JAG2: variants seen among roughly 807,000 people sequenced by gnomAD.
JAG2 encodes the protein jagged canonical Notch ligand 2.
A neutral mutation model predicts 141.7 loss-of-function variants in JAG2; 46 were observed. The observed-to-expected ratio is 0.32, with a 90% CI of 0.26 to 0.42. The LOEUF is 0.42. JAG2 is among the 10% of genes least tolerant of loss of function. JAG2 has a pLI of 1.00. For missense variants in JAG2, 1,500 were observed against 1,817.5 expected, an observed-to-expected ratio of 0.83 and a Z score of 3.18; for synonymous variants, 862 against 763.5, an observed-to-expected ratio of 1.13 and a Z score of -2.13.
intron 2 of JAG2, among the ~76,000 whole-genome samples, chr14:105,166,387 T>C (rs1255463156): frequency 6.6e-6 from 1 of 152,260 alleles, no homozygotes; most frequent in Non-Finnish European, 1.5e-5. Context: ...CTGCGGGCCC[T>C]GCTCAGACCT....
chr14:105,150,259 C>T (rs1888381856), intron 12 of JAG2, among the ~76,000 whole-genome samples: 1 of 151,958 alleles, frequency 6.6e-6, no homozygotes, highest in Non-Finnish European at 1.5e-5. Flanking sequence ...CATCAGGCAC[C>T]CACCCTACCC....
chr14:105,157,800 C>T, intron 2 of JAG2, 37 bp from the exon 3 acceptor site: 1 of 1,536,806 alleles, frequency 6.5e-7, no homozygotes, highest in South Asian at 1.2e-5. Flanking sequence ...TACCTGAGGC[C>T]ACACCTGCCT....
At chr14:105,161,286 G>A (rs934971181) in intron 2 of JAG2, among the ~76,000 whole-genome samples, 3 of 151,932 alleles carry the variant, frequency 2.0e-5, no homozygotes, top group African/African-American at 7.3e-5. Flanking sequence ...CCGCTGGACA[G>A]GAACCAGCAG....
rs749263541 is a variant in JAG2 at position 105,146,769 on chromosome 14, CA to C, written c.2480-46del. The C allele has an allele frequency of 2.0e-6, 3 of 1,476,520 alleles. No individual in the cohort carries two copies. The African/African-American group carries it at 4.2e-5, about 20-fold the overall frequency. 91.5% of individuals were successfully genotyped at this position (1,476,520 alleles called of 1,614,324 possible). The stretch of plus-strand genomic sequence containing the variant: ...TGCTCAGTGCAGTGAGGCCAACGCC[CA>C]CCGCAGGACCGGCATGGCCTAGGGC... On this transcript the variant is annotated intron_variant, in intron 20 of 25. Coordinates refer to ENST00000331782, the MANE Select transcript of JAG2 (RefSeq NM_002226.5).
chr14:105,166,147 C>A (rs1236297267), intron 2 of JAG2, among the ~76,000 whole-genome samples: 1 of 152,234 alleles, frequency 6.6e-6, no homozygotes, highest in Non-Finnish European at 1.5e-5. Context: ...GTGAGCTGGC[C>A]CCGAAACCCA....
intron 2 of JAG2, among the ~76,000 whole-genome samples, chr14:105,163,537 T>G (rs1010752033): frequency 8.6e-5 from 13 of 151,674 alleles, no homozygotes; most frequent in African/African-American, 3.2e-4. Context: ...GATGTGGGGA[T>G]AGGAATCCCG....
chr14:105,167,699 G>A lies in JAG2; in HGVS notation c.417+58C>T. 2 of 1,368,524 alleles carry A rather than the reference G, an allele frequency of 1.5e-6. No individual in the cohort carries two copies. Among genetic ancestry groups the A allele is most frequent in the Non-Finnish European group, 1.9e-6 (2 of 1,060,598 alleles). 84.8% of individuals were successfully genotyped at this position (1,368,524 alleles called of 1,614,324 possible). On this transcript the variant is annotated intron_variant, in intron 2 of 25. Transcript: ENST00000331782. This position sits in a 1 kb window ranked among gnomAD's most constrained non-coding sequence, Gnocchi z 4.8. The stretch of plus-strand genomic sequence containing the variant: ...GGTGTTGGGGGTCGCGAAGCGCGCG[G>A]GGCCGGGGCGCGGAGAGAGAGGGAA...
chr14:105,163,013 GC>G (rs930996007), intron 2 of JAG2, among the ~76,000 whole-genome samples: 1 of 151,508 alleles, frequency 6.6e-6, no homozygotes, highest in Admixed American at 6.6e-5. Flanking sequence ...CCCGCTAACG[GC>G]CCCCCCAGGT....
At chr14:105,144,084 G>A (rs1235620689) in intron 24 of JAG2, among the ~76,000 whole-genome samples, 2 of 152,030 alleles carry the variant, frequency 1.3e-5, no homozygotes, top group African/African-American at 2.4e-5. Flanking sequence ...CTCGCCACCA[G>A]GCAGTGAGTT....
Position 105,145,991 on chromosome 14 carries a change from G to C in JAG2, c.2710-18C>G, listed in dbSNP as rs1306455520. 8 of 1,590,880 alleles carry C rather than the reference G, an allele frequency of 5.0e-6. 1 individual carries two copies. Among genetic ancestry groups the C allele is most frequent in the Non-Finnish European group, 6.8e-6 (8 of 1,171,734 alleles). ...CACCACACCTGGGCAGGCACGCACAGGAGGGTCAGGCGCAGGCGCACAGGA... is the reference window on the plus strand; with the variant it reads ...CACCACACCTGGGCAGGCACGCACACGAGGGTCAGGCGCAGGCGCACAGGA... On this transcript the variant is annotated intron_variant, in intron 22 of 25. Transcript: ENST00000331782.
rs1223363636 is a variant in JAG2 at position 105,147,624 on chromosome 14, G to A, written c.2366-97C>T. The A allele has an allele frequency of 3.1e-5, 42 of 1,334,518 alleles. No homozygotes were observed. In the Middle Eastern group the frequency reaches 6.1e-4, roughly 19 times the overall value. The allele number at this position is 1,334,518 out of a possible 1,614,324, so 82.7% of individuals were successfully genotyped here. A position where few individuals can be genotyped will look rare whatever the true frequency, so the allele number is the denominator to read the frequency against. On this transcript the variant is annotated intron_variant, in intron 18 of 25. Transcript: ENST00000331782. ...CTTGGCGTGATCAGGCTGTGGGGCT[G>A]GGGAGGGTCATCAAGGAGGGTGCCT...
rs777417589 is a variant in JAG2 at position 105,147,426 on chromosome 14, G to C, written c.2394-15C>G. On this transcript the variant is annotated splice_polypyrimidine_tract_variant and intron_variant, in intron 19 of 25. Coordinates refer to ENST00000331782, the MANE Select transcript of JAG2 (RefSeq NM_002226.5). The stretch of plus-strand genomic sequence containing the variant: ...CACCATTGTAGCTGCAGAGCAGAGG[G>C]TGGGCATCAGGTGGCCCCCCGTGGT... The C allele has an allele frequency of 1.2e-6, 2 of 1,611,174 alleles. No homozygotes were observed. Among genetic ancestry groups the C allele is most frequent in the Non-Finnish European group, 1.7e-6 (2 of 1,179,106 alleles).
rs1233996748 is a variant in JAG2, at chr14:105,150,909, C to T, written c.1384G>A (p.Val462Ile). 4 of 1,593,316 alleles carry T rather than the reference C, an allele frequency of 2.5e-6. No individual in the cohort carries two copies. Among genetic ancestry groups the T allele is most frequent in the Admixed American group, 1.8e-5 (1 of 56,976 alleles). The change falls in exon 11 of 26, where the codon GTC (valine) becomes ATC (isoleucine). Residue 462 changes from valine (V) to isoleucine (I), a missense_variant and splice_region_variant. Val to Ile is a conservative substitution (Grantham distance 29). Around this residue, in one of 3 missense-constraint regions of JAG2, gnomAD observed 875 missense variants for 1,202.2 expected, o/e 0.73. Transcript: ENST00000331782. ...GWKGINCHIN[V>I]NDCRGQCQHG... ...TGACACTGCCCGCGACAGTCGTTGA[C>T]GTCTGGGGGCAGAGGAGCAGGGTCA...
chr14:105,142,983 G>A lies in JAG2; in HGVS notation c.3429C>T (p.Gly1143=), dbSNP rs1196615839. ...TGCACTGGTAGAGCACGTCCTTGTG[G>A]CCCCCCGGCCGCTCAATGGGGTTGC... ...PIRNPIERPG[G]HKDVLYQCKN... is the part of the protein sequence containing the mutation. The change falls in exon 26 of 26, where the codon GGC becomes GGT. Residue 1143 remains glycine, a synonymous_variant. Transcript: ENST00000331782. The A allele has an allele frequency of 6.2e-6, 10 of 1,609,492 alleles. No homozygotes were observed. Among genetic ancestry groups the A allele is most frequent in the South Asian group, 4.4e-5 (4 of 91,010 alleles).
chr14:105,168,468 G>T lies in JAG2; in HGVS notation c.-48C>A. 1 of 535,292 alleles carries T rather than the reference G, an allele frequency of 1.9e-6. No homozygotes were observed. The highest frequency in any genetic ancestry group is 2.4e-6 in the Non-Finnish European group (1 of 423,548). The allele number at this position is 535,292 out of a possible 1,614,324, so 33.2% of individuals were successfully genotyped here. On this transcript the variant is annotated 5_prime_UTR_variant, in exon 1 of 26. Transcript: ENST00000331782. ...GGCCCCGCCGCCGCCGCCCGCGCCCGGCTCCCAGCCGCCGCGCCGGCCTCC... is the reference window on the plus strand; with the variant it reads ...GGCCCCGCCGCCGCCGCCCGCGCCCTGCTCCCAGCCGCCGCGCCGGCCTCC...
At position 105,142,421 on chromosome 14, in the gene JAG2, C is replaced by T; in HGVS notation, c.*274G>A. 2.2e-6 allele frequency: 1 copy of T among 462,086 alleles called. No individual in the cohort carries two copies. The highest frequency in any genetic ancestry group is 3.9e-6 in the Non-Finnish European group (1 of 257,228). The allele number at this position is 462,086 out of a possible 1,614,324, so 28.6% of individuals were successfully genotyped here. ...CTACGATTTGGTGACGACGCAGACACCCTTTGCTCTCTCCTTTCATACAGC... is the reference window on the plus strand; with the variant it reads ...CTACGATTTGGTGACGACGCAGACATCCTTTGCTCTCTCCTTTCATACAGC... On this transcript the variant is annotated 3_prime_UTR_variant, in exon 26 of 26. Transcript: ENST00000331782.
chr14:105,154,592 C>CCTTG lies in JAG2; in HGVS notation c.788+966_788+969dup, dbSNP rs1888526580. Among the ~76,000 whole-genome samples, 1 of 152,126 alleles carries CCTTG rather than the reference C, an allele frequency of 6.6e-6. No homozygotes were observed. The highest frequency in any genetic ancestry group is 2.4e-5 in the African/African-American group (1 of 41,414). ...ACCCCGGACACTCCCTTGTGGAGGC[C>CCTTG]CTTGCTGACTCCTCATCCATCCGCC... is the stretch of plus-strand genomic sequence containing the variant. On this transcript the variant is annotated intron_variant, in intron 5 of 25. Coordinates refer to ENST00000331782, the MANE Select transcript of JAG2 (RefSeq NM_002226.5). This position sits in a 1 kb window ranked among gnomAD's most constrained non-coding sequence, Gnocchi z 4.4.
Position 105,167,324 on chromosome 14 carries a change from C to T in JAG2, c.417+433G>A, listed in dbSNP as rs1352751506. ...CCGTGCCCCCCAGGCATCCAGGAAA[C>T]TGCAGGGCAGGCGCAGGCTGGCCAC... On this transcript the variant is annotated intron_variant, in intron 2 of 25. Coordinates refer to ENST00000331782, the MANE Select transcript of JAG2 (RefSeq NM_002226.5). This position sits in a 1 kb window ranked among gnomAD's most constrained non-coding sequence, Gnocchi z 4.8. Among the ~76,000 whole-genome samples, 1 of 152,140 alleles carries T rather than the reference C, an allele frequency of 6.6e-6. No individual in the cohort carries two copies. The highest frequency in any genetic ancestry group is 2.4e-5 in the African/African-American group (1 of 41,426).
chr14:105,167,964 G>T lies in JAG2; in HGVS notation c.210C>A (p.Tyr70Ter). 1 of 1,604,444 alleles carries T rather than the reference G, an allele frequency of 6.2e-7. No homozygotes were observed. The change falls in exon 2 of 26, where the codon TAC becomes TAA. Residue 70 changes from tyrosine to a stop codon, truncating the protein, a stop_gained. Coordinates refer to ENST00000331782, the MANE Select transcript of JAG2 (RefSeq NM_002226.5). LOFTEE classifies it high-confidence loss of function. The surrounding 1 kb of genome is among the most constrained non-coding windows in gnomAD (Gnocchi z 4.8). ...GGTACTCCTTAAGGCACACGCGCAC[G>T]TACGTGTCGCACTCGTCGTGGCCGC... Reference protein sequence around the residue: ...GGCGHDECDTYVRVCLKEYQA... With the variant: ...GGCGHDECDT
Sources: allele counts gnomAD v4.1 joint callset (sites outside exome capture counted in the v4.1 genomes callset), GRCh38; gene constraint gnomAD v4.1.1; regional missense constraint gnomAD v4.1.1; non-coding constraint Gnocchi (gnomAD v3.1); transcripts MANE v1.5; gene names NCBI Gene and HGNC (gene_info 2026-07-23, HGNC 2026-07-21).